TMEM67: variants seen among roughly 807,000 people sequenced by gnomAD.
TMEM67 encodes meckelin.
TMEM67 carries 124 observed loss-of-function variants against 136.6 expected under a neutral mutation model. The observed-to-expected ratio is 0.91, with a 90% CI of 0.78 to 1.05. The LOEUF (loss-of-function observed/expected upper bound fraction) is 1.05. Ranked by LOEUF, TMEM67 falls within the 50% of genes least tolerant of loss-of-function variation. The pLI is 0.00. For missense variants in TMEM67, 1,107 were observed against 1,178.4 expected, an observed-to-expected ratio of 0.94 and a Z score of 0.89; for synonymous variants, 364 against 390.5, an observed-to-expected ratio of 0.93 and a Z score of 0.80.
the TMEM67 span, among the ~76,000 whole-genome samples, chr8:93,830,508 C>A: frequency 2.0e-5 from 3 of 152,076 alleles, no homozygotes; most frequent in Non-Finnish European, 2.9e-5. Context: ...GCCCTCAACC[C>A]GTGGGATCTG....
intron 6 of TMEM67, among the ~76,000 whole-genome samples, chr8:93,768,254 G>A (rs1813167607): frequency 7.1e-6 from 1 of 140,632 alleles, no homozygotes; most frequent in Non-Finnish European, 1.5e-5. Flanking sequence ...ACCAAACGTA[G>A]CTAGGAAATA....
chr8:93,785,642 G>A (rs559167502), intron 12 of TMEM67: 1 of 335,578 alleles, frequency 3.0e-6, no homozygotes, highest in African/African-American at 2.1e-5. Context: ...CCGTAAATTG[G>A]GGCTTTTTCG....
chr8:93,801,942 A>G (rs182538223), intron 21 of TMEM67, among the ~76,000 whole-genome samples: 29 of 152,308 alleles, frequency 1.9e-4, no homozygotes, highest in Admixed American at 1.0e-3. Flanking sequence ...TGTTAAGGAA[A>G]TATTTTGTAC....
At chr8:93,790,106 G>A (rs1814310907) in intron 14 of TMEM67, among the ~76,000 whole-genome samples, 1 of 151,732 alleles carries the variant, frequency 6.6e-6, no homozygotes, top group African/African-American at 2.4e-5. Flanking sequence ...CTACATTGAT[G>A]AAGTCCACCT....
At chr8:93,821,489 C>T (rs1809040404), downstream of TMEM67, among the ~76,000 whole-genome samples, 1 of 152,084 alleles carries the variant, frequency 6.6e-6, no homozygotes, top group Non-Finnish European at 1.5e-5. Context: ...ATTATGTTGC[C>T]CAGGCTGGAC....
chr8:93,768,612 A>AAAAAT (rs1156267916), intron 6 of TMEM67, among the ~76,000 whole-genome samples: 1 of 152,090 alleles, frequency 6.6e-6, no homozygotes, highest in East Asian at 1.9e-4. Context: ...TCTGTCTCAA[A>AAAAAT]AAAATAAAAT....
chr8:93,773,805 C>T (rs1813420742), intron 7 of TMEM67, among the ~76,000 whole-genome samples: 1 of 152,008 alleles, frequency 6.6e-6, no homozygotes. Flanking sequence ...ATTGTTCTTT[C>T]AAAAATAGTC....
chr8:93,828,212 A>G, the TMEM67 span, among the ~76,000 whole-genome samples: 4 of 152,162 alleles, frequency 2.6e-5, no homozygotes, highest in African/African-American at 9.7e-5. Flanking sequence ...GTCAGGTGCC[A>G]TAGTATGAAC....
rs1586072233 is a variant in TMEM67, at chr8:93,798,152, C to T, written c.2100+682C>T. On this transcript the variant is annotated intron_variant, in intron 20 of 27. Coordinates refer to ENST00000453321, the MANE Select transcript of TMEM67 (RefSeq NM_153704.6). ...CACCTAACCCCAGGCAACCACCATT[C>T]TATAATACTTTCTGTCTCTGTGTGT... Among the ~76,000 whole-genome samples the T allele has an allele frequency of 3.3e-5, 5 of 152,320 alleles. 1 individual carries two copies. Among genetic ancestry groups the T allele is most frequent in the Admixed American group, 3.3e-4 (5 of 15,302 alleles).
At chr8:93,782,308 C>A in intron 10 of TMEM67, 87 bp from the exon 11 acceptor site, 2 of 914,408 alleles carry the variant, frequency 2.2e-6, no homozygotes, top group Non-Finnish European at 3.6e-6. Flanking sequence ...TTATGTAGAG[C>A]ATATATCCAT....
chr8:93,761,248 A>G (rs1812817468), intron 3 of TMEM67, among the ~76,000 whole-genome samples: 1 of 152,202 alleles, frequency 6.6e-6, no homozygotes, highest in Non-Finnish European at 1.5e-5. Flanking sequence ...ACAGTGAGCC[A>G]AGATCACGCC....
At chr8:93,763,788 A>G in intron 3 of TMEM67, 54 bp from the exon 4 acceptor site, 3 of 1,179,346 alleles carry the variant, frequency 2.5e-6, no homozygotes, top group Non-Finnish European at 3.8e-6. Flanking sequence ...GAATATGTAG[A>G]AGCTTATATG....
Position 93,780,924 on chromosome 8 carries a change from C to T in TMEM67, c.920C>T (p.Pro307Leu). 6.2e-7 allele frequency: 1 copy of T among 1,612,340 alleles called. No homozygotes were observed. Among genetic ancestry groups the T allele is most frequent in the Non-Finnish European group, 8.5e-7 (1 of 1,179,784 alleles). Residue 307 changes from proline (P) to leucine (L), a missense_variant, in exon 9 of 28, where the codon CCT (proline) becomes CTT (leucine). By Grantham distance (98) the Pro-to-Leu change is moderately conservative (BLOSUM62 -3). This residue lies in a region of TMEM67 where 925 missense variants were observed against 1,002.4 expected (regional missense o/e 0.92). Transcript: ENST00000453321. Reference protein sequence around the residue: ...LFYGDQLGLAPQVLSSTSLPT... With the variant: ...LFYGDQLGLALQVLSSTSLPT... ...TATGGAGACCAGTTAGGATTAGCACCTCAAGTGCTCAGTTCTACCTCTCTT... is the reference window on the plus strand; with the variant it reads ...TATGGAGACCAGTTAGGATTAGCACTTCAAGTGCTCAGTTCTACCTCTCTT...
At chr8:93,810,055 G>A (rs1157558897) in intron 26 of TMEM67, 168 bp downstream of exon 26, 3 of 457,722 alleles carry the variant, frequency 6.6e-6, no homozygotes, top group Admixed American at 7.9e-5. Flanking sequence ...TGCAAGCTCC[G>A]CCTCCCGGGT....
downstream of TMEM67, chr8:93,818,945 G>A (rs1246378375): frequency 2.6e-6 from 1 of 384,694 alleles, no homozygotes; most frequent in Non-Finnish European, 5.0e-6. Flanking sequence ...GGAACAACAG[G>A]TGTGCACCAC....
chr8:93,821,086 G>A (rs923398616), downstream of TMEM67, among the ~76,000 whole-genome samples: 3 of 152,162 alleles, frequency 2.0e-5, no homozygotes, highest in Non-Finnish European at 4.4e-5. Flanking sequence ...GACAAGGGTA[G>A]CATGCAGTGC....
intron 13 of TMEM67, among the ~76,000 whole-genome samples, chr8:93,787,313 G>T (rs993182493): frequency 6.6e-6 from 1 of 151,014 alleles, no homozygotes; most frequent in Non-Finnish European, 1.5e-5. Context: ...TTGCTATGTT[G>T]CCCAGACTGG....
At chr8:93,765,702 C>T (rs1813055144) in intron 6 of TMEM67, 56 bp downstream of exon 6, 2 of 1,149,558 alleles carry the variant, frequency 1.7e-6, no homozygotes, top group Non-Finnish European at 2.6e-6. Flanking sequence ...ACATTTCATC[C>T]ATTAGTAATT....
intron 6 of TMEM67, among the ~76,000 whole-genome samples, chr8:93,767,872 T>C (rs1813147906): frequency 6.7e-6 from 1 of 149,162 alleles, no homozygotes; most frequent in Admixed American, 6.7e-5. Flanking sequence ...TCTTTTTTTT[T>C]TTTTTTTTTT....
Sources: gnomAD v4.1 joint callset for allele counts (sites outside exome capture counted in the v4.1 genomes callset) on GRCh38, gnomAD v4.1.1 for gene constraint, gnomAD v4.1.1 regional missense constraint, MANE v1.5 for transcripts, NCBI Gene and HGNC (gene_info 2026-07-23, HGNC 2026-07-21) for gene names.